The following CCDC158 variants were observed in gnomAD, a reference collection of about 807,000 sequenced individuals.
CCDC158 encodes coiled-coil domain-containing protein 158.
Under a neutral mutation model 138.6 loss-of-function variants are expected in CCDC158, and 116 were observed. The ratio of observed to expected loss-of-function variants is 0.84; its 90% CI spans 0.72 to 0.98. The LOEUF (loss-of-function observed/expected upper bound fraction) is 0.98. CCDC158 is among the 50% of genes least tolerant of loss of function. The pLI is 0.00. For missense variants in CCDC158, 1,265 were observed against 1,306.1 expected (o/e 0.97, Z 0.48); for synonymous variants, 436 against 442.4 (o/e 0.99, Z 0.18).
chr4:76,326,156 T>A, intron 22 of CCDC158, 141 bp from the exon 23 acceptor site: 1 of 679,704 alleles, frequency 1.5e-6, no homozygotes, highest in Non-Finnish European at 2.4e-6. Context: ...TACCCAAGAT[T>A]TGGGGTTGGA....
rs1320694256 is a variant in CCDC158 at position 76,325,902 on chromosome 4, G to A, written c.3124C>T (p.Gln1042Ter). 2 of 1,613,740 alleles carry A rather than the reference G, an allele frequency of 1.2e-6. No homozygotes were observed. The highest frequency in any genetic ancestry group is 1.7e-6 in the Non-Finnish European group (2 of 1,179,690). Residue 1042 changes from glutamine (Q) to a stop codon, truncating the protein, a stop_gained, in exon 23 of 25, where the codon CAG becomes TAG. Coordinates refer to ENST00000682701, the MANE Select transcript of CCDC158 (RefSeq NM_001394954.1). LOFTEE classifies it high-confidence loss of function. ...TGAATAGGTTTGGCAGATCTATACT[G>A]TGATGTGGAACCTATTGAACCTTCA... is the stretch of plus-strand genomic sequence containing the variant. ...SVEGSIGSTS[Q>*]YRSAKPIHSS... is the part of the protein sequence containing the mutation.
intron 18 of CCDC158, chr4:76,345,294 G>A: frequency 9.9e-7 from 1 of 1,011,702 alleles, no homozygotes; most frequent in Non-Finnish European, 1.6e-6. Flanking sequence ...AGCTGCTAAG[G>A]ATCTCTTATA....
intron 4 of CCDC158, among the ~76,000 whole-genome samples, chr4:76,391,094 G>A (rs1388357644): frequency 6.6e-6 from 1 of 151,870 alleles, no homozygotes. Context: ...AATCAACAAA[G>A]AAACATAAAA....
chr4:76,359,819 T>C (rs1723956346), intron 13 of CCDC158, among the ~76,000 whole-genome samples: 1 of 152,212 alleles, frequency 6.6e-6, no homozygotes, highest in Non-Finnish European at 1.5e-5. Context: ...ATCCCAACCA[T>C]GCAGTTGAAA....
chr4:76,389,261 G>C (rs1266406733), intron 4 of CCDC158, among the ~76,000 whole-genome samples: 2 of 151,944 alleles, frequency 1.3e-5, no homozygotes, highest in Non-Finnish European at 2.9e-5. Context: ...TTAACAAAGA[G>C]ATTAAAATAA....
intron 1 of CCDC158, among the ~76,000 whole-genome samples, chr4:76,415,004 G>C (rs1729579713): frequency 6.6e-6 from 1 of 152,166 alleles, no homozygotes; most frequent in South Asian, 2.1e-4. Flanking sequence ...GATGAAGACA[G>C]GAAAATGTGA....
At chr4:76,321,509 C>T (rs1187007317) in intron 24 of CCDC158, among the ~76,000 whole-genome samples, 3 of 150,700 alleles carry the variant, frequency 2.0e-5, no homozygotes, top group Non-Finnish European at 4.4e-5. Context: ...AGCCTAAATG[C>T]TCACCAACCA....
rs182578605 is a variant in CCDC158, at chr4:76,370,863, C to A, written c.1149+554G>T. 1.5e-4 allele frequency among the ~76,000 whole-genome samples: 23 copies of A among 152,284 alleles called. 1 individual carries two copies. In the South Asian group the frequency reaches 4.6e-3, roughly 30 times the overall value. ...AGCCTGCAAAGGATGGCTTTACCAG[C>A]AAAGAGCACCATTCCCTGGAATGGG... is the stretch of plus-strand genomic sequence containing the variant. On this transcript the variant is annotated intron_variant, in intron 10 of 24. Coordinates refer to ENST00000682701, the MANE Select transcript of CCDC158 (RefSeq NM_001394954.1).
chr4:76,331,206 G>A, intron 21 of CCDC158, 138 bp downstream of exon 21: 1 of 693,408 alleles, frequency 1.4e-6, no homozygotes, highest in Admixed American at 2.4e-5. Flanking sequence ...TGAGGACAGA[G>A]CCCATATCTG....
intron 9 of CCDC158, among the ~76,000 whole-genome samples, chr4:76,377,406 C>T (rs1725816411): frequency 6.6e-6 from 1 of 152,188 alleles, no homozygotes; most frequent in Non-Finnish European, 1.5e-5. Context: ...TGTGACACAA[C>T]AGCTCTCTTA....
At chr4:76,316,810 C>A (rs752536892) in intron 24 of CCDC158, among the ~76,000 whole-genome samples, 8 of 150,870 alleles carry the variant, frequency 5.3e-5, no homozygotes, top group Admixed American at 3.3e-4. Flanking sequence ...ATATTTTTAG[C>A]CTCCTCAAAC....
chr4:76,335,706 A>T (rs1721416713), intron 18 of CCDC158, among the ~76,000 whole-genome samples: 1 of 152,072 alleles, frequency 6.6e-6, no homozygotes, highest in Admixed American at 6.5e-5. Context: ...CAGCACCCCC[A>T]GTAGCTGAGG....
Position 76,316,224 on chromosome 4 carries a change from T to C in CCDC158, c.3278-2978A>G, listed in dbSNP as rs186616016. ...GAAATCTAAGAAACAATACAGAATA[T>C]GGATGAAAAATTCTCCAGAGAAATA... On this transcript the variant is annotated intron_variant, in intron 24 of 24. Transcript: ENST00000682701. Among the ~76,000 whole-genome samples the C allele has an allele frequency of 2.8e-3, 420 of 152,148 alleles. 2 individuals carry two copies. The highest frequency in any genetic ancestry group is 9.2e-3 in the African/African-American group (380 of 41,522).
At chr4:76,329,440 C>T (rs747175359) in intron 21 of CCDC158, among the ~76,000 whole-genome samples, 5 of 152,058 alleles carry the variant, frequency 3.3e-5, no homozygotes, top group Middle Eastern at 6.8e-3. Flanking sequence ...AAAAATTAGC[C>T]GGGCGAGGTG....
chr4:76,408,653 T>G (rs7656080), intron 2 of CCDC158, among the ~76,000 whole-genome samples: 4,466 of 152,264 alleles, frequency 0.029, 220 homozygotes, highest in African/African-American at 0.1. Context: ...AAACACGTGT[T>G]CATGTGTCTT....
Position 76,334,029 on chromosome 4 carries a change from C to T in CCDC158, c.2803G>A (p.Gly935Arg). The change falls in exon 19 of 25, where the codon GGA becomes AGA. Residue 935 changes from glycine (G) to arginine (R), a missense_variant. By Grantham distance (125) the Gly-to-Arg change is moderately radical (BLOSUM62 -2). Transcript: ENST00000682701. ...KTEEDGRTSL[G>R]ALYVAVEDRV... ...CCTTACACAGCCACATACAAGGCTCCCAGAGATGTTCTTCCATCTTCCTCT... is the reference window on the plus strand; with the variant it reads ...CCTTACACAGCCACATACAAGGCTCTCAGAGATGTTCTTCCATCTTCCTCT... 1 of 1,612,550 alleles carries T rather than the reference C, an allele frequency of 6.2e-7. No homozygotes were observed. The highest frequency in any genetic ancestry group is 8.5e-7 in the Non-Finnish European group (1 of 1,179,016).
At chr4:76,353,351 T>C in intron 15 of CCDC158, 70 bp from the exon 16 acceptor site, 1 of 1,289,582 alleles carries the variant, frequency 7.8e-7, no homozygotes, top group Non-Finnish European at 1.1e-6. Flanking sequence ...AATGGAAATA[T>C]AAAATTCTTG....
At chr4:76,401,948 T>C (rs1368468519) in intron 3 of CCDC158, 1 of 152,274 alleles carries the variant, frequency 6.6e-6, no homozygotes, top group Non-Finnish European at 1.5e-5. Flanking sequence ...TTTTAGGATA[T>C]ATGAGCATAG....
At position 76,365,148 on chromosome 4, in the gene CCDC158, G is replaced by A. The variant is rs151172405; in HGVS notation, c.1830+2146C>T. On this transcript the variant is annotated intron_variant, in intron 12 of 24. Coordinates refer to ENST00000682701, the MANE Select transcript of CCDC158 (RefSeq NM_001394954.1). ...TATTATTTATTTGTTTTTAAGAAAGGTCTAGCTCTGGGGACCCACAGTTAT... is the reference window on the plus strand; with the variant it reads ...TATTATTTATTTGTTTTTAAGAAAGATCTAGCTCTGGGGACCCACAGTTAT... Among the ~76,000 whole-genome samples the A allele has an allele frequency of 3.9e-3, 593 of 152,240 alleles. 3 individuals carry two copies. The highest frequency in any genetic ancestry group is 0.014 in the African/African-American group (576 of 41,536).
Sources: gnomAD v4.1 joint callset for allele counts (sites outside exome capture counted in the v4.1 genomes callset) on GRCh38, gnomAD v4.1.1 for gene constraint, MANE v1.5 for transcripts, NCBI Gene and HGNC (gene_info 2026-07-23, HGNC 2026-07-21) for gene names.